FRMD4A: variants seen among roughly 807,000 people sequenced by gnomAD.
FRMD4A encodes the protein FERM domain containing 4A.
In FRMD4A, 29 loss-of-function variants were observed where a neutral mutation model predicts 129.1. That is an observed-to-expected ratio of 0.22 (90% CI 0.17 to 0.31). The LOEUF (loss-of-function observed/expected upper bound fraction) is 0.31. Ranked by LOEUF, FRMD4A falls within the 10% of genes least tolerant of loss-of-function variation. The probability of loss-of-function intolerance (pLI) is 1.00; values close to 1 mark genes in which losing one functional copy is unlikely to be tolerated. For missense variants in FRMD4A, 1,272 were observed against 1,375.8 expected, an observed-to-expected ratio of 0.92 and a Z score of 1.19; for synonymous variants, 634 against 571.6, an observed-to-expected ratio of 1.11 and a Z score of -1.56.
intron 2 of FRMD4A, among the ~76,000 whole-genome samples, chr10:14,058,132 A>G (rs1834629992): frequency 6.6e-6 from 1 of 152,160 alleles, no homozygotes; most frequent in South Asian, 2.1e-4. Flanking sequence ...ATGATTAGGA[A>G]AGTCCAGGCT....
chr10:14,275,177 G>T (rs913356035), intron 2 of FRMD4A, among the ~76,000 whole-genome samples: 1 of 152,192 alleles, frequency 6.6e-6, no homozygotes, highest in Non-Finnish European at 1.5e-5. Context: ...GATTCATGGA[G>T]ACCATACAGG....
At chr10:13,884,212 A>ACACTCACACACACACACACACACT (rs1564971820) in intron 2 of FRMD4A, among the ~76,000 whole-genome samples, 4 of 84,902 alleles carry the variant, frequency 4.7e-5, no homozygotes, top group African/African-American at 1.7e-4. Context: ...ACACACTCAC[A>ACACTCACACACACACACACACACT]CACACACACA....
intron 2 of FRMD4A, among the ~76,000 whole-genome samples, chr10:14,308,366 T>C (rs1275826939): frequency 1.3e-5 from 2 of 152,224 alleles, no homozygotes; most frequent in East Asian, 3.8e-4. Context: ...TGTTTCATTT[T>C]TTCTGGCATG....
At chr10:13,680,044 G>C (rs1209998533) in intron 15 of FRMD4A, among the ~76,000 whole-genome samples, 1 of 152,244 alleles carries the variant, frequency 6.6e-6, no homozygotes, top group East Asian at 1.9e-4. Context: ...ACAAGACAGG[G>C]AGAAATCAAG....
At chr10:14,247,695 C>G (rs957561780) in intron 2 of FRMD4A, among the ~76,000 whole-genome samples, 1 of 152,040 alleles carries the variant, frequency 6.6e-6, no homozygotes, top group African/African-American at 2.4e-5. Flanking sequence ...TAGGGAAGTC[C>G]GAGTGAAGAA....
chr10:13,719,201 C>T (rs963628744), intron 12 of FRMD4A, among the ~76,000 whole-genome samples: 4 of 151,982 alleles, frequency 2.6e-5, no homozygotes, highest in Admixed American at 1.3e-4. Context: ...GCAAGGGATG[C>T]GATAATAGGG....
chr10:13,798,059 A>G (rs981066922), intron 4 of FRMD4A, among the ~76,000 whole-genome samples: 2 of 152,232 alleles, frequency 1.3e-5, no homozygotes, highest in South Asian at 4.1e-4. Flanking sequence ...TGGATAAAAA[A>G]ATTCCATTAA....
intron 5 of FRMD4A, among the ~76,000 whole-genome samples, chr10:13,794,703 C>A (rs116390219): frequency 6.6e-6 from 1 of 152,116 alleles, no homozygotes; most frequent in African/African-American, 2.4e-5. Context: ...TCCCTAAATG[C>A]GGATTTGGAA....
At position 14,330,226 on chromosome 10, in the gene FRMD4A, G is replaced by C. The variant is rs137937536; in HGVS notation, c.-81-43C>G. 2.6e-5 allele frequency: 25 copies of C among 953,938 alleles called. 1 individual carries two copies. The highest frequency in any genetic ancestry group is 8.5e-5 in the South Asian group (6 of 70,744). 59.1% of individuals were successfully genotyped at this position (953,938 alleles called of 1,614,324 possible). On this transcript the variant is annotated intron_variant, in intron 1 of 24. Coordinates refer to ENST00000357447, the MANE Select transcript of FRMD4A (RefSeq NM_018027.5). ...AAAATCCAGACTTAGGGAGCAAAAG[G>C]CTCAAGGGGAAGATAGGCCACCTTT...
At chr10:14,091,391 T>C (rs769316141) in intron 2 of FRMD4A, among the ~76,000 whole-genome samples, 1 of 152,130 alleles carries the variant, frequency 6.6e-6, no homozygotes, top group Non-Finnish European at 1.5e-5. Context: ...AAAGAGTGTC[T>C]TTTCCTGAAC....
intron 2 of FRMD4A, among the ~76,000 whole-genome samples, chr10:13,994,940 G>A (rs763374227): frequency 7.2e-5 from 11 of 152,254 alleles, no homozygotes; most frequent in African/African-American, 9.6e-5. Context: ...ATGCCTCTAC[G>A]AGGTTGTATT....
chr10:13,812,973 C>T (rs1041598225), intron 3 of FRMD4A, among the ~76,000 whole-genome samples: 1 of 152,218 alleles, frequency 6.6e-6, no homozygotes, highest in African/African-American at 2.4e-5. Context: ...CTCAGAAGGT[C>T]GCTGATGAAT....
At chr10:13,731,940 T>A (rs972497925) in intron 12 of FRMD4A, among the ~76,000 whole-genome samples, 2 of 152,098 alleles carry the variant, frequency 1.3e-5, no homozygotes, top group African/African-American at 4.8e-5. Flanking sequence ...GTCTGCAGGG[T>A]GTCCCCACGT....
At chr10:13,693,712 AT>A in intron 15 of FRMD4A, 185 bp downstream of exon 15, 2 of 665,852 alleles carry the variant, frequency 3.0e-6, no homozygotes, top group Non-Finnish European at 5.0e-6. Context: ...CCCTTCCACT[AT>A]TTGATTCCTG....
chr10:13,782,926 T>C lies in FRMD4A; in HGVS notation c.380A>G (p.Tyr127Cys). Reference protein sequence around the residue: ...LFFLNAKSCIYKELIDVDSEV... With the variant: ...LFFLNAKSCICKELIDVDSEV... ...TGAGGGAGAGGGAGTTCCTACCTTG[T>C]AGATGCAGGACTTCGCGTTCAGAAA... Residue 127 changes from tyrosine (Y) to cysteine (C), a missense_variant, in exon 6 of 25, where the codon TAC becomes TGC. Physicochemically the swap from Tyr to Cys is radical, Grantham distance 194. This residue lies in a region of FRMD4A where 300 missense variants were observed against 483.6 expected (regional missense o/e 0.62). Coordinates refer to ENST00000357447, the MANE Select transcript of FRMD4A (RefSeq NM_018027.5). 1 of 1,356,494 alleles carries C rather than the reference T, an allele frequency of 7.4e-7. No individual in the cohort carries two copies. The highest frequency in any genetic ancestry group is 1.1e-6 in the Non-Finnish European group (1 of 944,578). The allele number at this position is 1,356,494 out of a possible 1,614,324, so 84.0% of individuals were successfully genotyped here. A position where few individuals can be genotyped will look rare whatever the true frequency, so the allele number is the denominator to read the frequency against.
chr10:14,153,693 C>A (rs1840455150), intron 2 of FRMD4A, among the ~76,000 whole-genome samples: 1 of 152,210 alleles, frequency 6.6e-6, no homozygotes, highest in African/African-American at 2.4e-5. Flanking sequence ...CCCCTCCCGT[C>A]TCCAGCTCTG....
chr10:14,276,393 A>T (rs1845341673), intron 2 of FRMD4A, among the ~76,000 whole-genome samples: 2 of 152,200 alleles, frequency 1.3e-5, no homozygotes, highest in Non-Finnish European at 2.9e-5. Context: ...AAGAAGGGCC[A>T]CAAGAGCCAC....
intron 2 of FRMD4A, among the ~76,000 whole-genome samples, chr10:14,114,998 A>C (rs1049821382): frequency 3.9e-5 from 6 of 152,146 alleles, no homozygotes; most frequent in African/African-American, 1.4e-4. Flanking sequence ...GTGGGCACAC[A>C]GTGACATAAG....
chr10:14,318,250 T>C (rs1846822917), intron 2 of FRMD4A, among the ~76,000 whole-genome samples: 1 of 151,946 alleles, frequency 6.6e-6, no homozygotes, highest in South Asian at 2.1e-4. Context: ...CCATGTTCAT[T>C]ATGGCTCAAT....
Sources: allele counts gnomAD v4.1 joint callset (sites outside exome capture counted in the v4.1 genomes callset), GRCh38; gene constraint gnomAD v4.1.1; regional missense constraint gnomAD v4.1.1; transcripts MANE v1.5; gene names NCBI Gene and HGNC (gene_info 2026-07-23, HGNC 2026-07-21).